The following USP32 variants were observed in gnomAD, a reference collection of about 807,000 sequenced individuals.
USP32 encodes ubiquitin carboxyl-terminal hydrolase 32.
In USP32, 59 loss-of-function variants were observed where a neutral mutation model predicts 204.8. The observed-to-expected ratio is 0.29, with a 90% CI of 0.23 to 0.36. The LOEUF is 0.36. Ranked by LOEUF, USP32 falls within the 10% of genes least tolerant of loss-of-function variation. The probability of loss-of-function intolerance (pLI) is 1.00; values close to 1 mark genes in which losing one functional copy is unlikely to be tolerated. For missense variants in USP32, 1,160 were observed against 1,946.4 expected, an observed-to-expected ratio of 0.60 and a Z score of 7.60; for synonymous variants, 517 against 678.4, an observed-to-expected ratio of 0.76 and a Z score of 3.70.
At chr17:60,349,624 T>TTATA (rs1318566015) in intron 1 of USP32, among the ~76,000 whole-genome samples, 14 of 60,294 alleles carry the variant, frequency 2.3e-4, no homozygotes, top group African/African-American at 2.4e-4. Context: ...TATATATATA[T>TTATA]TATATATATA....
Position 60,419,946 on chromosome 17 carries a change from G to A in USP32, c.106+2300C>T, listed in dbSNP as rs545798581. On this transcript the variant is annotated intron_variant, in intron 1 of 3. Coordinates refer to the USP32 transcript ENST00000588898. ...ATGGTCTTGGCTCACTGCAACCTCT[G>A]CCTCCCGAGTTCAAGCGATTCTCCT... Among the ~76,000 whole-genome samples, 15 of 147,992 alleles carry A rather than the reference G, an allele frequency of 1.0e-4. No homozygotes were observed. In the South Asian group the frequency reaches 3.2e-3, roughly 31 times the overall value.
intron 1 of USP32, among the ~76,000 whole-genome samples, chr17:60,389,216 C>A (rs2089785616): frequency 6.6e-6 from 1 of 152,028 alleles, no homozygotes; most frequent in Non-Finnish European, 1.5e-5. Flanking sequence ...ATTCAAGTGC[C>A]CAAAAGAGGT....
chr17:60,395,197 AAAGT>A (rs1166598285), upstream of USP32, among the ~76,000 whole-genome samples: 1 of 152,194 alleles, frequency 6.6e-6, no homozygotes, highest in Non-Finnish European at 1.5e-5. Context: ...AACTTATTGT[AAAGT>A]AAGATTTACA....
At chr17:60,206,199 C>T (rs540351487) in intron 25 of USP32, among the ~76,000 whole-genome samples, 1 of 146,632 alleles carries the variant, frequency 6.8e-6, no homozygotes, top group Admixed American at 6.7e-5. Flanking sequence ...CGTTTGTAGT[C>T]CCAGCTACTT....
chr17:60,328,056 G>C (rs897476933), intron 2 of USP32, among the ~76,000 whole-genome samples: 52 of 152,246 alleles, frequency 3.4e-4, no homozygotes, highest in African/African-American at 1.2e-3. Flanking sequence ...TGGGCAGAAG[G>C]GGGCAGGTCC....
At chr17:60,351,488 G>A (rs1567868676) in intron 1 of USP32, among the ~76,000 whole-genome samples, 1 of 151,332 alleles carries the variant, frequency 6.6e-6, no homozygotes. Context: ...AGGCTGGAAT[G>A]CATGATCTCA....
chr17:60,417,512 G>T (rs952259683), intron 1 of USP32, among the ~76,000 whole-genome samples: 7 of 150,458 alleles, frequency 4.7e-5, no homozygotes, highest in African/African-American at 1.7e-4. Flanking sequence ...GGAGTGCAGT[G>T]CCATGATCTC....
At chr17:60,371,253 TAA>T (rs373242290) in intron 1 of USP32, among the ~76,000 whole-genome samples, 14 of 66,266 alleles carry the variant, frequency 2.1e-4, no homozygotes, top group South Asian at 4.8e-4. Context: ...CTCTAAAAAT[TAA>T]AAAAAAAAAA....
intron 2 of USP32, among the ~76,000 whole-genome samples, chr17:60,311,991 T>TA: frequency 6.6e-6 from 1 of 152,338 alleles, no homozygotes; most frequent in South Asian, 2.1e-4. Context: ...AAGTGACAGA[T>TA]ACTGTTTTAT....
intron 26 of USP32, among the ~76,000 whole-genome samples, chr17:60,203,268 G>A (rs1319061913): frequency 6.6e-6 from 1 of 151,558 alleles, no homozygotes; most frequent in Non-Finnish European, 1.5e-5. Context: ...AGGCATGGTG[G>A]CGTGCACCTG....
intron 28 of USP32, 142 bp from the exon 29 acceptor site, chr17:60,190,825 C>G: frequency 8.4e-7 from 1 of 1,189,208 alleles, no homozygotes; most frequent in Non-Finnish European, 1.1e-6. Flanking sequence ...ACTTCAGACT[C>G]TGATAAATGT....
intron 2 of USP32, among the ~76,000 whole-genome samples, chr17:60,321,368 C>T (rs934932750): frequency 3.3e-5 from 5 of 152,138 alleles, no homozygotes; most frequent in African/African-American, 7.2e-5. Flanking sequence ...GGAACTGATG[C>T]CCTGAGCCCA....
chr17:60,236,182 T>C lies in USP32; in HGVS notation c.1195A>G (p.Ile399Val). 6.2e-7 allele frequency: 1 copy of C among 1,614,054 alleles called. No individual in the cohort carries two copies. Among genetic ancestry groups the C allele is most frequent in the South Asian group, 1.1e-5 (1 of 91,084 alleles). Residue 399 changes from isoleucine (I) to valine (V), a missense_variant, in exon 12 of 34, where the codon ATC becomes GTC. Physicochemically the swap from Ile to Val is conservative, Grantham distance 29. Coordinates refer to ENST00000300896, the MANE Select transcript of USP32 (RefSeq NM_032582.4). ...CACTGTTGCCACCACTGCATGGAGA[T>C]GATAAACCAGTTGTGTCCTGCTTGC... The part of the protein sequence containing the change: ...GLQAGHNWFI[I>V]SMQWWQQWKE...
At chr17:60,422,186 C>T (rs2090127764) in intron 1 of USP32, 1 of 278,782 alleles carries the variant, frequency 3.6e-6, no homozygotes, top group Non-Finnish European at 6.7e-6. Flanking sequence ...GCCCCCACCA[C>T]GGCGTAACCC....
rs1312642749 is a variant in USP32 at position 60,322,903 on chromosome 17, AT to A, written c.187-21200del. Among the ~76,000 whole-genome samples, 4 of 152,324 alleles carry A rather than the reference AT, an allele frequency of 2.6e-5. No homozygotes were observed. The East Asian group carries it at 7.7e-4, about 29-fold the overall frequency. ...ATTTACTAGTCCATTTGATCAAGAAATTTGAACATCTGGAGATCAGGAAAAT... is the reference window on the plus strand; with the variant it reads ...ATTTACTAGTCCATTTGATCAAGAAATTGAACATCTGGAGATCAGGAAAAT... On this transcript the variant is annotated intron_variant, in intron 2 of 33. Coordinates refer to ENST00000300896, the MANE Select transcript of USP32 (RefSeq NM_032582.4).
At chr17:60,335,233 TGG>T (rs2088488592) in intron 2 of USP32, among the ~76,000 whole-genome samples, 1 of 142,518 alleles carries the variant, frequency 7.0e-6, no homozygotes, top group Non-Finnish European at 1.5e-5. Context: ...TTCCGAAAAG[TGG>T]TGGGATTACA....
intron 1 of USP32, among the ~76,000 whole-genome samples, chr17:60,401,611 C>T (rs2089935955): frequency 1.3e-5 from 2 of 151,312 alleles, no homozygotes; most frequent in African/African-American, 4.9e-5. Flanking sequence ...GGTGCAGTGG[C>T]TCACACCTGT....
chr17:60,357,388 G>A (rs2089104213), intron 1 of USP32, among the ~76,000 whole-genome samples: 2 of 152,172 alleles, frequency 1.3e-5, no homozygotes, highest in African/African-American at 2.4e-5. Context: ...AGGAGTTGGA[G>A]GCTGCAGTGA....
intron 11 of USP32, among the ~76,000 whole-genome samples, chr17:60,237,398 G>A (rs762337991): frequency 1.6e-4 from 24 of 150,904 alleles, no homozygotes; most frequent in Non-Finnish European, 3.1e-4. Context: ...TTACAGACAT[G>A]AGCCACTGTG....
Sources: gnomAD v4.1 joint callset for allele counts (sites outside exome capture counted in the v4.1 genomes callset) on GRCh38, gnomAD v4.1.1 for gene constraint, MANE v1.5 for transcripts, NCBI Gene and HGNC (gene_info 2026-07-23, HGNC 2026-07-21) for gene names.